The following NTN1 variants were observed in gnomAD, a reference collection of about 807,000 sequenced individuals.
NTN1 encodes the protein netrin-1.
NTN1 carries 11 observed loss-of-function variants against 54.2 expected under a neutral mutation model. The ratio of observed to expected loss-of-function variants is 0.20; its 90% CI spans 0.13 to 0.34. The LOEUF is 0.34. Ranked by LOEUF, NTN1 falls within the 10% of genes least tolerant of loss-of-function variation. The pLI is 1.00. For missense variants in NTN1, 740 were observed against 893.1 expected (o/e 0.83, Z 2.18); for synonymous variants, 371 against 382.0 (o/e 0.97, Z 0.33).
intron 5 of NTN1, among the ~76,000 whole-genome samples, chr17:9,196,840 T>C (rs1044335974): frequency 2.0e-5 from 3 of 152,146 alleles, no homozygotes; most frequent in Non-Finnish European, 4.4e-5. Context: ...CTGAAATTAT[T>C]TGCACAGAGA....
intron 6 of NTN1, among the ~76,000 whole-genome samples, chr17:9,235,185 G>A (rs1376626984): frequency 2.0e-5 from 3 of 151,750 alleles, no homozygotes; most frequent in Admixed American, 1.3e-4. Flanking sequence ...GGATGGTCTC[G>A]AACTCCTGAC....
chr17:9,113,835 C>G (rs1363637247), intron 2 of NTN1, among the ~76,000 whole-genome samples: 1 of 151,930 alleles, frequency 6.6e-6, no homozygotes, highest in Non-Finnish European at 1.5e-5. Context: ...GGGAGATGAG[C>G]TAAATAAACT....
At position 9,022,554 on chromosome 17, in the gene NTN1, G is replaced by C. The variant is rs1204002615; in HGVS notation, c.181G>C (p.Gly61Arg). 3 of 1,549,372 alleles carry C rather than the reference G, an allele frequency of 1.9e-6. No homozygotes were observed. The highest frequency in any genetic ancestry group is 2.6e-6 in the Non-Finnish European group (3 of 1,149,308). The change falls in exon 2 of 7, where the codon GGC becomes CGC. Residue 61 changes from glycine to arginine, a missense_variant. By Grantham distance (125) the Gly-to-Arg change is moderately radical. Coordinates refer to ENST00000173229, the MANE Select transcript of NTN1 (RefSeq NM_004822.3). ...CIPDFVNAAF[G>R]KDVRVSSTCG... ...CCCGGACTTTGTCAATGCGGCCTTC[G>C]GCAAGGACGTGCGCGTGTCCAGCAC...
At chr17:9,146,589 T>G (rs1175204984) in intron 2 of NTN1, among the ~76,000 whole-genome samples, 2 of 149,550 alleles carry the variant, frequency 1.3e-5, no homozygotes, top group Admixed American at 6.6e-5. Flanking sequence ...AGGGGACCTG[T>G]GGGTCTTTAG....
Position 9,135,527 on chromosome 17 carries a change from T to G in NTN1, c.1019-27286T>G, listed in dbSNP as rs528360631. On this transcript the variant is annotated intron_variant, in intron 2 of 6. Transcript: ENST00000173229. The surrounding 1 kb of genome is among the most constrained non-coding windows in gnomAD (Gnocchi z 4.4). Reference sequence around the variant, plus strand: ...AGTCCTCTTGACCATGAGACTCTCCTAAGTTCTGAATGCAGAGGATTGGCT... The same window carrying G: ...AGTCCTCTTGACCATGAGACTCTCCGAAGTTCTGAATGCAGAGGATTGGCT... Among the ~76,000 whole-genome samples, 3 of 152,338 alleles carry G rather than the reference T, an allele frequency of 2.0e-5. No homozygotes were observed. The highest frequency in any genetic ancestry group is 6.5e-5 in the Admixed American group (1 of 15,300).
Position 9,239,851 on chromosome 17 carries a change from C to T in NTN1, c.1698C>T (p.Asp566=). The change falls in exon 7 of 7, where the codon GAC becomes GAT. Residue 566 remains aspartate, a synonymous_variant. Transcript: ENST00000173229. The surrounding 1 kb of genome is among the most constrained non-coding windows in gnomAD (Gnocchi z 5.2). ...TGGGCAACGCGGAGGACTCTCCGGA[C>T]CAGAGCGGCATCGTGGCCGATAAAA... ...LLLGNAEDSP[D]QSGIVADKSS... 2 of 1,612,928 alleles carry T rather than the reference C, an allele frequency of 1.2e-6. No homozygotes were observed. Among genetic ancestry groups the T allele is most frequent in the Non-Finnish European group, 1.7e-6 (2 of 1,179,862 alleles).
At position 9,123,332 on chromosome 17, in the gene NTN1, T is replaced by C. The variant is rs1220825770; in HGVS notation, c.1019-39481T>C. Among the ~76,000 whole-genome samples, 4 of 152,232 alleles carry C rather than the reference T, an allele frequency of 2.6e-5. No homozygotes were observed. In the East Asian group the frequency reaches 7.7e-4, roughly 29 times the overall value. On this transcript the variant is annotated intron_variant, in intron 2 of 6. Transcript: ENST00000173229. Reference sequence around the variant, plus strand: ...AAGTTTATATTTTGTGAATCACCTATGGGGGCGTTAATAAGTTTTCCAAAA... The same window carrying C: ...AAGTTTATATTTTGTGAATCACCTACGGGGGCGTTAATAAGTTTTCCAAAA...
chr17:9,235,778 C>T (rs571853250), intron 6 of NTN1, among the ~76,000 whole-genome samples: 8 of 146,522 alleles, frequency 5.5e-5, no homozygotes, highest in South Asian at 2.2e-4. Flanking sequence ...GACAGAGTCT[C>T]GCCCTGTCCC....
intron 4 of NTN1, among the ~76,000 whole-genome samples, chr17:9,181,710 A>G (rs1445914212): frequency 6.6e-6 from 1 of 152,162 alleles, no homozygotes; most frequent in African/African-American, 2.4e-5. Context: ...TAGCTCATCT[A>G]GAATCTAGGG....
chr17:9,113,032 T>A (rs879711222), intron 2 of NTN1, among the ~76,000 whole-genome samples: 15 of 150,498 alleles, frequency 1.0e-4, no homozygotes, highest in Admixed American at 4.6e-4. Flanking sequence ...TTTTTTATTT[T>A]TATTTTTTTG....
At chr17:9,156,783 G>T (rs1001735595) in intron 2 of NTN1, among the ~76,000 whole-genome samples, 1 of 152,168 alleles carries the variant, frequency 6.6e-6, no homozygotes, top group Non-Finnish European at 1.5e-5. Context: ...ATCAGATGTC[G>T]CAAGGCTATG....
intron 2 of NTN1, among the ~76,000 whole-genome samples, chr17:9,130,105 A>G (rs746936351): frequency 5.3e-5 from 8 of 152,104 alleles, no homozygotes; most frequent in Non-Finnish European, 1.0e-4. Context: ...GTCTGGTGAC[A>G]CCTGGGTCAG....
At chr17:9,166,167 ACC>A (rs2092372552) in intron 3 of NTN1, among the ~76,000 whole-genome samples, 1 of 54,534 alleles carries the variant, frequency 1.8e-5, no homozygotes. Context: ...CACCACCACC[ACC>A]ACCACCACCA....
At chr17:9,036,718 G>T (rs1164186655) in intron 2 of NTN1, among the ~76,000 whole-genome samples, 2 of 152,124 alleles carry the variant, frequency 1.3e-5, no homozygotes, top group African/African-American at 4.8e-5. Flanking sequence ...TATTCTGTAG[G>T]TCTAGTGGAA....
chr17:9,006,352 C>T, the NTN1 span, among the ~76,000 whole-genome samples: 2 of 152,166 alleles, frequency 1.3e-5, no homozygotes, highest in Non-Finnish European at 2.9e-5. Context: ...TGCTGCGAGT[C>T]GCTGAGACTA....
intron 2 of NTN1, among the ~76,000 whole-genome samples, chr17:9,128,344 C>T (rs2092253978): frequency 2.0e-5 from 3 of 151,088 alleles, no homozygotes; most frequent in Admixed American, 6.6e-5. Flanking sequence ...CAGGCTGCCC[C>T]GACCTCTGCT....
chr17:9,145,964 T>C (rs539778011), intron 2 of NTN1, among the ~76,000 whole-genome samples: 2 of 146,640 alleles, frequency 1.4e-5, no homozygotes, highest in Non-Finnish European at 3.0e-5. Flanking sequence ...GAAGAACAGA[T>C]GTGTTTGTAT....
At chr17:9,187,096 C>A (rs1355983612) in intron 5 of NTN1, among the ~76,000 whole-genome samples, 1 of 152,034 alleles carries the variant, frequency 6.6e-6, no homozygotes, top group Non-Finnish European at 1.5e-5. Context: ...AGTGGAGGGA[C>A]TGTTCAAAGT....
At chr17:9,131,016 C>G (rs1196678088) in intron 2 of NTN1, among the ~76,000 whole-genome samples, 3 of 152,194 alleles carry the variant, frequency 2.0e-5, no homozygotes, top group African/African-American at 4.8e-5. Context: ...CCCTAATTCT[C>G]TGTGTGTGTT....
Sources: allele counts gnomAD v4.1 joint callset (sites outside exome capture counted in the v4.1 genomes callset), GRCh38; gene constraint gnomAD v4.1.1; non-coding constraint Gnocchi (gnomAD v3.1); transcripts MANE v1.5; gene names NCBI Gene and HGNC (gene_info 2026-07-23, HGNC 2026-07-21).